Variants in TTC28 observed in about 807,000 individuals in gnomAD.
The protein encoded by TTC28 is tetratricopeptide repeat protein 28.
In TTC28, 61 loss-of-function variants were observed where a neutral mutation model predicts 198.0. The ratio of observed to expected loss-of-function variants is 0.31; its 90% CI spans 0.25 to 0.38. The LOEUF is 0.38. TTC28 is among the 10% of genes least tolerant of loss of function. The pLI is 1.00. For missense variants in TTC28, 2,678 were observed against 3,164.0 expected, an observed-to-expected ratio of 0.85 and a Z score of 3.69; for synonymous variants, 1,171 against 1,297.8, an observed-to-expected ratio of 0.90 and a Z score of 2.10.
At chr22:28,556,713 C>T (rs1452593989) in intron 2 of TTC28, among the ~76,000 whole-genome samples, 1 of 152,206 alleles carries the variant, frequency 6.6e-6, no homozygotes, top group Admixed American at 6.5e-5. Context: ...CTGATTCTGG[C>T]TGAAGGTATT....
intron 10 of TTC28, 45 bp downstream of exon 10, chr22:28,098,870 G>C (rs1471227694): frequency 1.9e-6 from 3 of 1,543,768 alleles, no homozygotes; most frequent in Non-Finnish European, 2.6e-6. Context: ...GCACCCGTGC[G>C]CACTAGTGCA....
At chr22:28,068,671 G>A (rs1940851505) in intron 12 of TTC28, among the ~76,000 whole-genome samples, 1 of 152,294 alleles carries the variant, frequency 6.6e-6, no homozygotes, top group South Asian at 2.1e-4. Context: ...GGAGTTCAGG[G>A]AATTGTATGT....
chr22:28,149,150 C>T (rs1395991547), intron 6 of TTC28, among the ~76,000 whole-genome samples: 1 of 152,180 alleles, frequency 6.6e-6, no homozygotes, highest in Non-Finnish European at 1.5e-5. Context: ...GGCTACAAAC[C>T]TGTACAGCAT....
At chr22:28,549,046 G>A (rs1432642513) in intron 2 of TTC28, among the ~76,000 whole-genome samples, 1 of 148,676 alleles carries the variant, frequency 6.7e-6, no homozygotes, top group East Asian at 2.0e-4. Context: ...TTTTTTTTCT[G>A]AGATGGAGTC....
rs536301688 is a variant in TTC28 at position 27,985,367 on chromosome 22, A to C, written c.5708-11T>G. 4 of 1,543,586 alleles carry C rather than the reference A, an allele frequency of 2.6e-6. No individual in the cohort carries two copies. In the East Asian group the frequency reaches 9.8e-5, roughly 38 times the overall value. On this transcript the variant is annotated splice_polypyrimidine_tract_variant and intron_variant, in intron 21 of 22. Transcript: ENST00000397906. ...CACAGAGATCAAAACCTAGAGGAAC[A>C]AAGAATATAAGCATCTGCTTCCTTC...
intron 2 of TTC28, among the ~76,000 whole-genome samples, chr22:28,477,657 T>C (rs2048184799): frequency 6.6e-6 from 1 of 152,156 alleles, no homozygotes; most frequent in African/African-American, 2.4e-5. Context: ...ATCCAATGAG[T>C]GGCCTTCCTG....
In TTC28 at chr22:28,325,085, G is replaced by A. The variant is rs1244254740; in HGVS notation, c.382-18442C>T. On this transcript the variant is annotated intron_variant, in intron 2 of 22. Transcript: ENST00000397906. The stretch of plus-strand genomic sequence containing the variant: ...CCTCCTTGTACTCTGGTTGAATTCG[G>A]CTGTGAATCCGTCTGGTCCTGGACT... Among the ~76,000 whole-genome samples the A allele has an allele frequency of 3.2e-3, 477 of 151,074 alleles. 5 individuals carry two copies. Among genetic ancestry groups the A allele is most frequent in the Non-Finnish European group, 1.7e-3 (112 of 67,700 alleles).
At chr22:28,015,258 G>GTC (rs1938320011) in intron 13 of TTC28, among the ~76,000 whole-genome samples, 1 of 152,122 alleles carries the variant, frequency 6.6e-6, no homozygotes, top group African/African-American at 2.4e-5. Flanking sequence ...TTCCAATGCA[G>GTC]CAACAAGGCT....
chr22:28,208,972 T>C (rs1386868058), intron 5 of TTC28, among the ~76,000 whole-genome samples: 1 of 152,190 alleles, frequency 6.6e-6, no homozygotes, highest in Non-Finnish European at 1.5e-5. Context: ...AGACAATTAC[T>C]TGAAAACCAC....
At chr22:28,661,887 A>C (rs1212202160) in intron 1 of TTC28, among the ~76,000 whole-genome samples, 1 of 151,920 alleles carries the variant, frequency 6.6e-6, no homozygotes, top group East Asian at 1.9e-4. Context: ...GATTACAGGC[A>C]TGAGCCACTG....
intron 2 of TTC28, among the ~76,000 whole-genome samples, chr22:28,401,229 CGAT>C (rs964778729): frequency 7.2e-5 from 11 of 152,054 alleles, no homozygotes; most frequent in African/African-American, 9.6e-5. Flanking sequence ...ATGACGACGA[CGAT>C]GACGACGACG....
intron 12 of TTC28, among the ~76,000 whole-genome samples, chr22:28,045,643 G>T (rs983830355): frequency 2.6e-5 from 4 of 152,180 alleles, no homozygotes; most frequent in Non-Finnish European, 4.4e-5. Flanking sequence ...GACACATGCA[G>T]ACTCACATAT....
At chr22:28,182,310 G>T (rs1339744145) in intron 5 of TTC28, among the ~76,000 whole-genome samples, 1 of 152,124 alleles carries the variant, frequency 6.6e-6, no homozygotes, top group Non-Finnish European at 1.5e-5. Context: ...CAGCCAACCT[G>T]AATTTCGGTG....
intron 2 of TTC28, among the ~76,000 whole-genome samples, chr22:28,338,822 G>T (rs144510981): frequency 2.4e-4 from 36 of 152,144 alleles, no homozygotes; most frequent in Non-Finnish European, 1.5e-5. Context: ...ATCATCTGAA[G>T]TCTTCTTCTC....
chr22:28,431,032 A>T (rs954188751), intron 2 of TTC28, among the ~76,000 whole-genome samples: 2 of 151,968 alleles, frequency 1.3e-5, no homozygotes. Context: ...CTCTTGGTCC[A>T]CTCATTCCTA....
chr22:28,453,797 A>G (rs2047819163), intron 2 of TTC28, among the ~76,000 whole-genome samples: 1 of 152,188 alleles, frequency 6.6e-6, no homozygotes, highest in African/African-American at 2.4e-5. Context: ...CCAGTCTCTT[A>G]GTGTAGCCAG....
Position 28,207,960 on chromosome 22 carries a change from T to C in TTC28, c.934-44361A>G, listed in dbSNP as rs552163479. On this transcript the variant is annotated intron_variant, in intron 5 of 22. Transcript: ENST00000397906. ...TTGTCTCAAGAAGCTGTGCACCCTG[T>C]GGGCAAGGGGCAAGAAAAACTATAT... 2.6e-5 allele frequency among the ~76,000 whole-genome samples: 4 copies of C among 152,072 alleles called. No homozygotes were observed. The South Asian group carries it at 8.3e-4, about 32-fold the overall frequency.
At chr22:28,366,132 A>G (rs1018186317) in intron 2 of TTC28, among the ~76,000 whole-genome samples, 2 of 152,186 alleles carry the variant, frequency 1.3e-5, no homozygotes, top group African/African-American at 4.8e-5. Flanking sequence ...ATTTTCCTCT[A>G]TCATTTACTA....
At chr22:28,543,420 G>A (rs1324649662) in intron 2 of TTC28, among the ~76,000 whole-genome samples, 1 of 150,806 alleles carries the variant, frequency 6.6e-6, no homozygotes, top group Non-Finnish European at 1.5e-5. Context: ...AGATGAAGAA[G>A]AGGGAGGAGG....
Sources: allele counts gnomAD v4.1 joint callset (sites outside exome capture counted in the v4.1 genomes callset), GRCh38; gene constraint gnomAD v4.1.1; transcripts MANE v1.5; gene names NCBI Gene and HGNC (gene_info 2026-07-23, HGNC 2026-07-21).